NUP210: variants seen among roughly 807,000 people sequenced by gnomAD.
NUP210 encodes nucleoporin 210.
NUP210 carries 151 observed loss-of-function variants against 196.0 expected under a neutral mutation model. That is an observed-to-expected ratio of 0.77 (90% CI 0.67 to 0.88). The LOEUF is 0.88. Among genes scored for constraint, NUP210 ranks in the 40% least tolerant of loss-of-function variants. The pLI is 0.00. For synonymous variants in NUP210, 1,070 were observed against 1,052.7 expected (o/e 1.02, Z -0.32); for missense variants, 2,314 against 2,493.7 (o/e 0.93, Z 1.53).
chr3:13,319,333 C>T lies in NUP210; in HGVS notation c.5384-8G>A, dbSNP rs747093530. 6.2e-7 allele frequency: 1 copy of T among 1,601,370 alleles called. No individual in the cohort carries two copies. Among genetic ancestry groups the T allele is most frequent in the East Asian group, 2.2e-5 (1 of 44,546 alleles). ...GGAAGAGGCTGGCTCCATCTGCCAT[C>T]AATGGGAAGATGAGTTACCAAAACC... On this transcript the variant is annotated splice_region_variant and splice_polypyrimidine_tract_variant and intron_variant, in intron 37 of 39. Transcript: ENST00000254508.
rs991083229 is a variant in NUP210 at position 13,379,074 on chromosome 3, A to G, written c.977-94T>C. The G allele has an allele frequency of 9.6e-7, 1 of 1,040,444 alleles. No homozygotes were observed. The highest frequency in any genetic ancestry group is 1.6e-5 in the African/African-American group (1 of 64,128). 64.5% of individuals were successfully genotyped at this position (1,040,444 alleles called of 1,614,324 possible). A position where few individuals can be genotyped will look rare whatever the true frequency, so the allele number is the denominator to read the frequency against. ...GGCTCAGAATCCTGATCATCAAGAC[A>G]TCACATGGAGAGAAGAAGAGGGGAT... On this transcript the variant is annotated intron_variant, in intron 7 of 39. Coordinates refer to ENST00000254508, the MANE Select transcript of NUP210 (RefSeq NM_024923.4). This position sits in a 1 kb window ranked among gnomAD's most constrained non-coding sequence, Gnocchi z 4.2.
intron 2 of NUP210, among the ~76,000 whole-genome samples, chr3:13,398,041 C>T (rs1157948749): frequency 6.6e-6 from 1 of 152,204 alleles, no homozygotes; most frequent in Non-Finnish European, 1.5e-5. Flanking sequence ...GCAAGAGATA[C>T]AAAATTGTTC....
rs1576361488 is a variant in NUP210, at chr3:13,340,857, C to T, written c.3229-559G>A. Among the ~76,000 whole-genome samples the T allele has an allele frequency of 6.6e-6, 1 of 152,152 alleles. No homozygotes were observed. Among genetic ancestry groups the T allele is most frequent in the Admixed American group, 6.5e-5 (1 of 15,290 alleles). On this transcript the variant is annotated intron_variant, in intron 23 of 39. Transcript: ENST00000254508. The surrounding 1 kb of genome is among the most constrained non-coding windows in gnomAD (Gnocchi z 4.0). ...GCAGCAGGTGAAGCCCCCACCTGCT[C>T]CTCCTGAAACCCCTACAAGAGCCTG...
chr3:13,351,672 T>A (rs1332963885), intron 20 of NUP210: 3 of 535,416 alleles, frequency 5.6e-6, no homozygotes, highest in Non-Finnish European at 1.0e-5. Context: ...TTTTCTTTTT[T>A]TTTTTGTAGA....
chr3:13,358,417 T>A, intron 15 of NUP210, 22 bp from the exon 16 acceptor site: 1 of 1,590,024 alleles, frequency 6.3e-7, no homozygotes. Flanking sequence ...CAGTGAACAG[T>A]CAGACCCCCA....
At chr3:13,334,774 A>G (rs923180043) in intron 28 of NUP210, among the ~76,000 whole-genome samples, 17 of 152,182 alleles carry the variant, frequency 1.1e-4, no homozygotes, top group African/African-American at 4.1e-4. Context: ...AGCCCATCCT[A>G]TAAGTAGCAG....
At position 13,366,057 on chromosome 3, in the gene NUP210, G is replaced by A. The variant is rs1028592694; in HGVS notation, c.1821C>T (p.Gly607=). ...CCTGGGCCTCGGCCTTTACCCGGAT[G>A]CCGCTGCAGTGCTCAGAGCCTGGCG... The part of the protein sequence containing the change: ...RLPPGSEHCS[G]IRVKAEAQGS... Residue 607 remains glycine, a synonymous_variant, in exon 14 of 40, where the codon GGC becomes GGT. Coordinates refer to ENST00000254508, the MANE Select transcript of NUP210 (RefSeq NM_024923.4). The A allele has an allele frequency of 7.4e-6, 12 of 1,614,048 alleles. No homozygotes were observed. The highest frequency in any genetic ancestry group is 2.7e-5 in the African/African-American group (2 of 74,942).
In NUP210 at chr3:13,317,761, T is replaced by G; in HGVS notation, c.5584A>C (p.Thr1862Pro). ...GCAGGAGGCAATGCATTGGGAGATG[T>G]GGGTGATGAGGCAGCGAAATCTAGG... ...SPHYFAASSP[T>P]SPNALPPARK... Residue 1862 changes from threonine to proline, a missense_variant, in exon 40 of 40, where the codon ACA becomes CCA. Coordinates refer to ENST00000254508, the MANE Select transcript of NUP210 (RefSeq NM_024923.4). 1 of 1,610,982 alleles carries G rather than the reference T, an allele frequency of 6.2e-7. No individual in the cohort carries two copies.
At chr3:13,320,606 C>T (rs6784867) in intron 36 of NUP210, among the ~76,000 whole-genome samples, 1 of 134,140 alleles carries the variant, frequency 7.5e-6, no homozygotes, top group Non-Finnish European at 1.5e-5. Context: ...GCACTCCAAC[C>T]TGGGCGACAG....
chr3:13,317,764 G>T lies in NUP210; in HGVS notation c.5581C>A (p.Pro1861Thr). The T allele has an allele frequency of 6.2e-7, 1 of 1,610,778 alleles. No individual in the cohort carries two copies. Among genetic ancestry groups the T allele is most frequent in the Non-Finnish European group, 8.5e-7 (1 of 1,178,594 alleles). ...HSPHYFAASS[P>T]TSPNALPPAR... ...GGAGGCAATGCATTGGGAGATGTGG[G>T]TGATGAGGCAGCGAAATCTAGGGTG... is the stretch of plus-strand genomic sequence containing the variant. The change falls in exon 40 of 40, where the codon CCC becomes ACC. Residue 1861 changes from proline (P) to threonine (T), a missense_variant. Pro to Thr is a conservative substitution (Grantham distance 38). Transcript: ENST00000254508.
At chr3:13,413,578 C>T (rs1257926566) in intron 1 of NUP210, among the ~76,000 whole-genome samples, 1 of 152,170 alleles carries the variant, frequency 6.6e-6, no homozygotes, top group Non-Finnish European at 1.5e-5. Context: ...TCAGTAAGTC[C>T]TGGGGGGAAG....
rs564637400 is a variant in NUP210 at position 13,343,909 on chromosome 3, A to G, written c.2836-606T>C. ...GGCCACCCCAGTGTGAGCTATGTGC[A>G]TCTCGCTCATCTTTGTGTCTCATCA... is the stretch of plus-strand genomic sequence containing the variant. On this transcript the variant is annotated intron_variant, in intron 20 of 39. Coordinates refer to ENST00000254508, the MANE Select transcript of NUP210 (RefSeq NM_024923.4). Among the ~76,000 whole-genome samples, 12 of 152,334 alleles carry G rather than the reference A, an allele frequency of 7.9e-5. 1 individual carries two copies. The South Asian group carries it at 2.5e-3, about 32-fold the overall frequency.
chr3:13,360,291 G>C lies in NUP210; in HGVS notation c.2133C>G (p.Thr711=). The C allele has an allele frequency of 6.2e-7, 1 of 1,614,202 alleles. No homozygotes were observed. The highest frequency in any genetic ancestry group is 8.5e-7 in the Non-Finnish European group (1 of 1,180,036). ...RNYQQHWILV[T]CQALGEQVIA... is the part of the protein sequence containing the mutation. ...TCACCTGCTCACCCAAGGCCTGACAGGTCACAAGGATCCAGTGTTGCTGAT... is the reference window on the plus strand; with the variant it reads ...TCACCTGCTCACCCAAGGCCTGACACGTCACAAGGATCCAGTGTTGCTGAT... The change falls in exon 15 of 40, where the codon ACC becomes ACG. Residue 711 remains threonine (T), a synonymous_variant. Coordinates refer to ENST00000254508, the MANE Select transcript of NUP210 (RefSeq NM_024923.4).
intron 28 of NUP210, among the ~76,000 whole-genome samples, chr3:13,333,415 G>T (rs1213181060): frequency 1.3e-5 from 2 of 152,196 alleles, no homozygotes; most frequent in African/African-American, 2.4e-5. Context: ...ACACCCCTCG[G>T]GCCTGAGCCC....
chr3:13,398,726 C>T (rs2124945699), intron 2 of NUP210, among the ~76,000 whole-genome samples: 1 of 152,206 alleles, frequency 6.6e-6, no homozygotes, highest in East Asian at 1.9e-4. Flanking sequence ...TTGAAACCAG[C>T]CTGGACAACA....
chr3:13,337,011 G>A (rs1321153719), intron 26 of NUP210, 93 bp from the exon 27 acceptor site: 7 of 1,488,772 alleles, frequency 4.7e-6, no homozygotes, highest in Non-Finnish European at 6.5e-6. Context: ...AGTGGGAGAT[G>A]AACCCAATTC....
intron 6 of NUP210, among the ~76,000 whole-genome samples, chr3:13,381,768 G>A (rs1699110071): frequency 6.6e-6 from 1 of 152,136 alleles, no homozygotes; most frequent in Admixed American, 6.5e-5. Context: ...CTATAGGTCA[G>A]GAAGCCCACA....
Position 13,327,273 on chromosome 3 carries a change from C to T in NUP210, c.4451G>A (p.Gly1484Glu), listed in dbSNP as rs1256100246. 2 of 1,613,502 alleles carry T rather than the reference C, an allele frequency of 1.2e-6. No homozygotes were observed. The highest frequency in any genetic ancestry group is 1.7e-5 in the Admixed American group (1 of 60,028). Residue 1484 changes from glycine (G) to glutamate (E), a missense_variant, in exon 32 of 40, where the codon GGG (glycine) becomes GAG (glutamate). Transcript: ENST00000254508. Reference protein sequence around the residue: ...VLQAISPELSGAMVVGDVLCL... With the variant: ...VLQAISPELSEAMVVGDVLCL... ...GAGCACGTCCCCCACCACCATGGCC[C>T]CAGACAGCTCTGGGGAGATGGCCTG...
At chr3:13,418,778 G>A (rs557845355) in intron 1 of NUP210, among the ~76,000 whole-genome samples, 2 of 151,196 alleles carry the variant, frequency 1.3e-5, no homozygotes, top group Non-Finnish European at 1.5e-5. Context: ...ACAAGGGCTG[G>A]AGTGCACTCT....
Sources: gnomAD v4.1 joint callset for allele counts (sites outside exome capture counted in the v4.1 genomes callset) on GRCh38, gnomAD v4.1.1 for gene constraint, Gnocchi (gnomAD v3.1) non-coding constraint, MANE v1.5 for transcripts, NCBI Gene and HGNC (gene_info 2026-07-23, HGNC 2026-07-21) for gene names.